TENM3: variants seen among roughly 807,000 people sequenced by gnomAD.
TENM3 encodes the protein teneurin transmembrane protein 3, also known as teneurin-3.
In TENM3, 63 loss-of-function variants were observed where a neutral mutation model predicts 255.1. The ratio of observed to expected loss-of-function variants is 0.25; its 90% CI spans 0.20 to 0.30. The LOEUF (loss-of-function observed/expected upper bound fraction) is 0.30. TENM3 is among the 10% of genes least tolerant of loss of function. The pLI, the probability that TENM3 is intolerant of heterozygous loss-of-function variation, is 1.00. For missense variants in TENM3, 2,929 were observed against 3,461.1 expected, an observed-to-expected ratio of 0.85 and a Z score of 3.86; for synonymous variants, 1,306 against 1,322.3, an observed-to-expected ratio of 0.99 and a Z score of 0.27.
intron 5 of TENM3, among the ~76,000 whole-genome samples, chr4:182,648,122 C>T (rs1401532760): frequency 6.6e-6 from 1 of 152,110 alleles, no homozygotes; most frequent in African/African-American, 2.4e-5. Context: ...TTTGTTACCT[C>T]TTCGGGCTGG....
intron 7 of TENM3, among the ~76,000 whole-genome samples, chr4:182,674,955 C>T (rs1275802900): frequency 6.6e-6 from 1 of 152,034 alleles, no homozygotes; most frequent in Non-Finnish European, 1.5e-5. Context: ...CGGCTCGCCA[C>T]AACCTCCGCC....
At chr4:181,565,240 G>A in the TENM3 span, among the ~76,000 whole-genome samples, 6 of 152,214 alleles carry the variant, frequency 3.9e-5, no homozygotes, top group Non-Finnish European at 7.3e-5. Flanking sequence ...CTGCAGGATA[G>A]GAGAGTACAG....
the TENM3 span, among the ~76,000 whole-genome samples, chr4:182,059,633 G>A: frequency 2.6e-5 from 4 of 151,436 alleles, no homozygotes; most frequent in Non-Finnish European, 5.9e-5. Flanking sequence ...GTGGAACCCT[G>A]TGCAGTGGCT....
chr4:181,522,094 C>A, the TENM3 span, among the ~76,000 whole-genome samples: 2 of 103,114 alleles, frequency 1.9e-5, no homozygotes, highest in Admixed American at 1.2e-4. Context: ...GAGCGAGACT[C>A]CGTCTCAAAA....
At chr4:182,767,278 C>T (rs767734069) in intron 22 of TENM3, among the ~76,000 whole-genome samples, 4 of 152,118 alleles carry the variant, frequency 2.6e-5, no homozygotes, top group Non-Finnish European at 4.4e-5. Flanking sequence ...CGCATCAGCC[C>T]GCCGTTCCGG....
At chr4:182,365,998 T>C (rs1580311686) in intron 3 of TENM3, among the ~76,000 whole-genome samples, 1 of 152,202 alleles carries the variant, frequency 6.6e-6, no homozygotes, top group African/African-American at 2.4e-5. Flanking sequence ...CTTATGGGGC[T>C]ACTGTCATAT....
chr4:182,099,122 C>CA, the TENM3 span, among the ~76,000 whole-genome samples: 1 of 151,806 alleles, frequency 6.6e-6, no homozygotes, highest in South Asian at 2.1e-4. Flanking sequence ...CCGCCACGCC[C>CA]AGCTAACTTT....
At chr4:182,211,102 C>T (rs775253310) in intron 1 of TENM3, among the ~76,000 whole-genome samples, 8 of 152,110 alleles carry the variant, frequency 5.3e-5, no homozygotes, top group Non-Finnish European at 8.8e-5. Context: ...GTCACCAAAA[C>T]GGGGGACAAG....
At chr4:182,534,390 T>C (rs913559825) in intron 3 of TENM3, among the ~76,000 whole-genome samples, 1 of 152,200 alleles carries the variant, frequency 6.6e-6, no homozygotes, top group Non-Finnish European at 1.5e-5. Flanking sequence ...GGGCTAGTGC[T>C]ATAATAGTCT....
At chr4:181,493,058 G>A in the TENM3 span, among the ~76,000 whole-genome samples, 52 of 152,010 alleles carry the variant, frequency 3.4e-4, no homozygotes, top group African/African-American at 1.2e-3. Flanking sequence ...AAGCACCAGG[G>A]AGGTTTTGGC....
chr4:182,160,405 C>G (rs951497101), intron 1 of TENM3, among the ~76,000 whole-genome samples: 2 of 152,046 alleles, frequency 1.3e-5, no homozygotes, highest in Admixed American at 6.6e-5. Flanking sequence ...TTTAGAGATT[C>G]CAGAAAAATG....
intron 3 of TENM3, among the ~76,000 whole-genome samples, chr4:182,434,602 G>A (rs936633495): frequency 6.6e-6 from 1 of 151,200 alleles, no homozygotes; most frequent in African/African-American, 2.4e-5. Flanking sequence ...GGCAGAAGTT[G>A]CAGTGAGCCA....
chr4:181,697,914 G>A, the TENM3 span, among the ~76,000 whole-genome samples: 16 of 152,002 alleles, frequency 1.1e-4, no homozygotes, highest in East Asian at 1.9e-4. Context: ...AACTAAAAGC[G>A]CTTAAGATAA....
At chr4:182,160,657 G>A (rs1460736759) in intron 1 of TENM3, among the ~76,000 whole-genome samples, 1 of 152,222 alleles carries the variant, frequency 6.6e-6, no homozygotes, top group East Asian at 1.9e-4. Flanking sequence ...TGGAAGAGTA[G>A]AATGGTGGTT....
At chr4:182,098,548 T>G in the TENM3 span, among the ~76,000 whole-genome samples, 2 of 152,128 alleles carry the variant, frequency 1.3e-5, no homozygotes, top group South Asian at 2.1e-4. Flanking sequence ...CTGGTGGAAG[T>G]GGGGGTTATG....
chr4:182,749,105 C>G (rs1015975986), intron 19 of TENM3, among the ~76,000 whole-genome samples: 1 of 148,940 alleles, frequency 6.7e-6, no homozygotes, highest in Non-Finnish European at 1.5e-5. Flanking sequence ...ATGCCACCAC[C>G]ACTGAAGCTG....
At chr4:181,659,768 G>A in the TENM3 span, among the ~76,000 whole-genome samples, 17 of 152,198 alleles carry the variant, frequency 1.1e-4, no homozygotes, top group African/African-American at 4.1e-4. Flanking sequence ...CAGATAGTAA[G>A]AGAGTCACAA....
the TENM3 span, among the ~76,000 whole-genome samples, chr4:181,725,695 G>A: frequency 6.6e-6 from 1 of 151,868 alleles, no homozygotes; most frequent in Admixed American, 6.6e-5. Flanking sequence ...ACCCATCTCG[G>A]CCTCTCAAAA....
intron 13 of TENM3, among the ~76,000 whole-genome samples, chr4:182,726,362 G>T (rs969046190): frequency 7.6e-4 from 4 of 5,232 alleles, no homozygotes; most frequent in Non-Finnish European, 1.5e-3. Flanking sequence ...AGCCCAGGAG[G>T]TCAAGCGCAG....
Sources: allele counts gnomAD v4.1 joint callset (sites outside exome capture counted in the v4.1 genomes callset), GRCh38; gene constraint gnomAD v4.1.1; transcripts MANE v1.5; gene names NCBI Gene and HGNC (gene_info 2026-07-23, HGNC 2026-07-21).